The following SLC44A5 variants were observed in gnomAD, a reference collection of about 807,000 sequenced individuals.
SLC44A5 encodes the protein choline transporter-like protein 5.
A neutral mutation model predicts 101.8 loss-of-function variants in SLC44A5; 57 were observed. The ratio of observed to expected loss-of-function variants is 0.56; its 90% CI spans 0.45 to 0.70. The LOEUF (loss-of-function observed/expected upper bound fraction) is 0.70. Ranked by LOEUF, SLC44A5 falls within the 30% of genes least tolerant of loss-of-function variation. SLC44A5 has a pLI of 0.00. For synonymous variants in SLC44A5, 281 were observed against 290.9 expected, an observed-to-expected ratio of 0.97 and a Z score of 0.35; for missense variants, 737 against 853.1, an observed-to-expected ratio of 0.86 and a Z score of 1.70.
intron 3 of SLC44A5, among the ~76,000 whole-genome samples, chr1:75,363,366 CTTTG>C (rs1659636397): frequency 6.6e-6 from 1 of 151,730 alleles, no homozygotes. Flanking sequence ...TTTGTAGATT[CTTTG>C]TTTCTTTCTT....
chr1:75,389,026 G>C (rs1192985604), intron 3 of SLC44A5, among the ~76,000 whole-genome samples: 1 of 151,948 alleles, frequency 6.6e-6, no homozygotes, highest in Admixed American at 6.6e-5. Flanking sequence ...AGCAGGAGTG[G>C]CTATTCTTGT....
At chr1:75,272,820 T>A (rs577523799) in intron 6 of SLC44A5, among the ~76,000 whole-genome samples, 1 of 152,292 alleles carries the variant, frequency 6.6e-6, no homozygotes, top group African/African-American at 2.4e-5. Context: ...AGTCAGGTAA[T>A]GAGATGTCTC....
At chr1:75,297,965 C>A (rs1294248004) in intron 5 of SLC44A5, among the ~76,000 whole-genome samples, 1 of 137,598 alleles carries the variant, frequency 7.3e-6, no homozygotes, top group Non-Finnish European at 1.6e-5. Flanking sequence ...AAAACAAAAA[C>A]AACAACAACA....
At chr1:75,393,209 TTTCA>T (rs1661911238) in intron 3 of SLC44A5, among the ~76,000 whole-genome samples, 1 of 152,172 alleles carries the variant, frequency 6.6e-6, no homozygotes, top group Non-Finnish European at 1.5e-5. Flanking sequence ...TAAACACTGT[TTTCA>T]TTGTCTCGCA....
chr1:75,292,403 C>T (rs1365407696), intron 5 of SLC44A5, among the ~76,000 whole-genome samples: 2 of 151,886 alleles, frequency 1.3e-5, no homozygotes, highest in Admixed American at 1.3e-4. Flanking sequence ...TTTTGGGAGA[C>T]CCATGAAATC....
rs1251691383 is a variant in SLC44A5 at position 75,202,860 on chromosome 1, A to G, written c.*867T>C. On this transcript the variant is annotated 3_prime_UTR_variant, in exon 24 of 24. Coordinates refer to ENST00000370859, the MANE Select transcript of SLC44A5 (RefSeq NM_001130058.2). The stretch of plus-strand genomic sequence containing the variant: ...TTCATTTTAAAACTTCTCTTTTAGT[A>G]AAAAAAAAAACAAAGAAATCCAACA... The G allele has an allele frequency of 1.7e-5, 2 of 117,252 alleles. No individual in the cohort carries two copies. Among genetic ancestry groups the G allele is most frequent in the Middle Eastern group, 4.7e-3 (1 of 214 alleles). The allele number at this position is 117,252 out of a possible 1,614,324, so 7.3% of individuals were successfully genotyped here.
At chr1:75,536,863 G>A (rs1385934370) in intron 2 of SLC44A5, among the ~76,000 whole-genome samples, 5 of 140,706 alleles carry the variant, frequency 3.6e-5, no homozygotes, top group South Asian at 2.3e-4. Flanking sequence ...AAAATTAGCC[G>A]GGCGTAGTGG....
chr1:75,352,639 G>C (rs1658770580), intron 3 of SLC44A5, among the ~76,000 whole-genome samples: 3 of 152,008 alleles, frequency 2.0e-5, no homozygotes, highest in African/African-American at 4.8e-5. Context: ...TTGATAATAT[G>C]ATGTCTTGAC....
In SLC44A5 at chr1:75,576,462, C is replaced by T. The variant is rs866256767; in HGVS notation, c.-70+34578G>A. Among the ~76,000 whole-genome samples, 115 of 148,894 alleles carry T rather than the reference C, an allele frequency of 7.7e-4. 1 individual carries two copies. Among genetic ancestry groups the T allele is most frequent in the South Asian group, 4.7e-3 (21 of 4,464 alleles). The stretch of plus-strand genomic sequence containing the variant: ...CCGAGTAGCTGGGACTACAGGCGCC[C>T]GCCACCACGCCCGGCTAATTTTTTT... On this transcript the variant is annotated intron_variant, in intron 1 of 23. Coordinates refer to ENST00000370859, the MANE Select transcript of SLC44A5 (RefSeq NM_001130058.2).
the SLC44A5 span, among the ~76,000 whole-genome samples, chr1:75,621,796 C>T: frequency 6.6e-6 from 1 of 152,022 alleles, no homozygotes; most frequent in Admixed American, 6.6e-5. Flanking sequence ...CTGTACAATT[C>T]TGTGACTGGA....
intron 2 of SLC44A5, among the ~76,000 whole-genome samples, chr1:75,481,592 A>T (rs2101777172): frequency 6.6e-6 from 1 of 152,164 alleles, no homozygotes; most frequent in East Asian, 2.0e-4. Flanking sequence ...AAGGTGGGCG[A>T]AGGACATGAA....
At chr1:75,340,348 G>A (rs1657781389) in intron 3 of SLC44A5, among the ~76,000 whole-genome samples, 1 of 152,052 alleles carries the variant, frequency 6.6e-6, no homozygotes, top group Admixed American at 6.6e-5. Flanking sequence ...GTCATTGCTG[G>A]CCAAGGGTGT....
chr1:75,216,695 C>T (rs1397074418), intron 18 of SLC44A5, among the ~76,000 whole-genome samples: 2 of 151,908 alleles, frequency 1.3e-5, no homozygotes, highest in African/African-American at 4.8e-5. Context: ...TTGCATTTCC[C>T]TAATGACTAG....
chr1:75,417,690 T>A (rs1778456), intron 2 of SLC44A5, among the ~76,000 whole-genome samples: 96,246 of 152,088 alleles, frequency 0.63, 32,124 homozygotes, highest in East Asian at 0.96. Flanking sequence ...TCCAGAGGAA[T>A]CATCAGGATT....
At chr1:75,322,673 C>T (rs1452398476) in intron 4 of SLC44A5, among the ~76,000 whole-genome samples, 1 of 152,268 alleles carries the variant, frequency 6.6e-6, no homozygotes, top group Non-Finnish European at 1.5e-5. Context: ...GGGATAGATA[C>T]GGATTTCCTT....
At chr1:75,466,497 A>G (rs1052345766) in intron 2 of SLC44A5, among the ~76,000 whole-genome samples, 3 of 152,044 alleles carry the variant, frequency 2.0e-5, no homozygotes, top group Non-Finnish European at 4.4e-5. Context: ...TCTACTAAAA[A>G]TACAAAAAGT....
chr1:75,421,890 C>A (rs527376061), intron 2 of SLC44A5, among the ~76,000 whole-genome samples: 2 of 149,864 alleles, frequency 1.3e-5, no homozygotes, highest in African/African-American at 4.9e-5. Context: ...AAAAAAAGTA[C>A]TTTGGTGAAG....
At chr1:75,681,419 G>GGT in the SLC44A5 span, among the ~76,000 whole-genome samples, 1 of 151,316 alleles carries the variant, frequency 6.6e-6, no homozygotes, top group African/African-American at 2.4e-5. Flanking sequence ...ATGATCAAGT[G>GGT]GGCTTCATCC....
chr1:75,354,993 A>G (rs1310532298), intron 3 of SLC44A5, among the ~76,000 whole-genome samples: 1 of 152,172 alleles, frequency 6.6e-6, no homozygotes, highest in Non-Finnish European at 1.5e-5. Context: ...TTATGTCATA[A>G]TGTATATCTG....
Sources: gnomAD v4.1 joint callset for allele counts (sites outside exome capture counted in the v4.1 genomes callset) on GRCh38, gnomAD v4.1.1 for gene constraint, MANE v1.5 for transcripts, NCBI Gene and HGNC (gene_info 2026-07-23, HGNC 2026-07-21) for gene names.